The following DTNA variants were observed in gnomAD, a reference collection of about 807,000 sequenced individuals.
DTNA encodes dystrophin-related protein 3.
Under a neutral mutation model 100.7 loss-of-function variants are expected in DTNA, and 43 were observed. The observed-to-expected ratio is 0.43, with a 90% confidence interval of 0.33 to 0.55. DTNA has a LOEUF of 0.55. Ranked by LOEUF, DTNA falls within the 20% of genes least tolerant of loss-of-function variation. The pLI, the probability that DTNA is intolerant of heterozygous loss-of-function variation, is 0.04. For synonymous variants in DTNA, 349 were observed against 347.9 expected (o/e 1.00, Z -0.04); for missense variants, 798 against 953.9 (o/e 0.84, Z 2.15).
chr18:34,675,353 A>C (rs1355233744), intron 1 of DTNA, among the ~76,000 whole-genome samples: 1 of 152,134 alleles, frequency 6.6e-6, no homozygotes, highest in Non-Finnish European at 1.5e-5. Context: ...GAAGTCCTGG[A>C]GAGCACCTTT....
upstream of DTNA, among the ~76,000 whole-genome samples, chr18:34,707,968 G>A (rs2082325272): frequency 6.6e-6 from 1 of 152,152 alleles, no homozygotes; most frequent in South Asian, 2.1e-4. Context: ...TTGTTGTGGG[G>A]CTTTTCTTTC....
chr18:34,885,410 A>G (rs955992048), intron 22 of DTNA, among the ~76,000 whole-genome samples: 1 of 152,192 alleles, frequency 6.6e-6, no homozygotes, highest in Non-Finnish European at 1.5e-5. Flanking sequence ...AAATATGTGG[A>G]AAATTCTCAG....
intron 11 of DTNA, 26 bp from the exon 12 acceptor site, chr18:34,838,068 C>T: frequency 6.2e-7 from 1 of 1,611,776 alleles, no homozygotes; most frequent in Non-Finnish European, 8.5e-7. Flanking sequence ...TTACGCTCTT[C>T]TTGGCTTTCC....
At position 34,882,099 on chromosome 18, in the gene DTNA, G is replaced by A. The variant is rs1389279041; in HGVS notation, c.2193G>A (p.Gln731=). The change falls in exon 21 of 23, where the codon CAG becomes CAA. Residue 731 remains glutamine, a synonymous_variant. Transcript: ENST00000444659. Reference sequence around the variant, plus strand: ...CGGAGGATGCAGATCCCTATGTGCAGCCTGAAGATGAAAACTATGAAAATG... The same window carrying A: ...CGGAGGATGCAGATCCCTATGTGCAACCTGAAGATGAAAACTATGAAAATG... The part of the protein sequence containing the change: ...MVTEDADPYV[Q]PEDENYENDS... 1 of 1,614,078 alleles carries A rather than the reference G, an allele frequency of 6.2e-7. No homozygotes were observed.
intron 17 of DTNA, among the ~76,000 whole-genome samples, chr18:34,869,321 C>G (rs1029844624): frequency 6.6e-6 from 1 of 152,170 alleles, no homozygotes; most frequent in African/African-American, 2.4e-5. Context: ...CATACACACA[C>G]ACACACACAT....
In DTNA at chr18:34,861,485, CAAAAAAAAAAAAAAAA is replaced by C. The variant is rs11329850; in HGVS notation, c.1647-2467_1647-2452del. On this transcript the variant is annotated intron_variant, in intron 16 of 22. Transcript: ENST00000444659. Reference sequence around the variant, plus strand: ...TGGGCGACTGAGCGAGACTCCGTCTCAAAAAAAAAAAAAAAAAAAAAAAAAAAAAGAAAGTAGGTTT... The same window carrying C: ...TGGGCGACTGAGCGAGACTCCGTCTCAAAAAAAAAAAAAGAAAGTAGGTTT... Among the ~76,000 whole-genome samples, 11 of 77,966 alleles carry C rather than the reference CAAAAAAAAAAAAAAAA, an allele frequency of 1.4e-4. No individual in the cohort carries two copies. In the East Asian group the frequency reaches 4.0e-3, roughly 28 times the overall value. The allele number at this position is 77,966 out of a possible 152,430, so 51.1% of individuals were successfully genotyped here.
intron 5 of DTNA, among the ~76,000 whole-genome samples, chr18:34,808,231 T>G (rs2095412349): frequency 6.6e-6 from 1 of 152,198 alleles, no homozygotes; most frequent in Non-Finnish European, 1.5e-5. Context: ...TTCTGAGCCC[T>G]CGAAGTCCTG....
At chr18:34,608,610 A>C (rs919314932) in intron 1 of DTNA, among the ~76,000 whole-genome samples, 12 of 151,816 alleles carry the variant, frequency 7.9e-5, no homozygotes, top group Non-Finnish European at 1.2e-4. Context: ...CATGGGACTT[A>C]TGAAATCACA....
chr18:34,823,866 T>C (rs533385819), intron 9 of DTNA, among the ~76,000 whole-genome samples: 11 of 152,330 alleles, frequency 7.2e-5, no homozygotes, highest in Admixed American at 7.2e-4. Context: ...GGTGCAAGCA[T>C]TGGCAATATT....
intron 17 of DTNA, among the ~76,000 whole-genome samples, chr18:34,871,782 T>C (rs953449478): frequency 3.3e-5 from 5 of 152,360 alleles, no homozygotes; most frequent in African/African-American, 1.2e-4. Context: ...GAAGATGCTC[T>C]GCATCAAACT....
intron 18 of DTNA, among the ~76,000 whole-genome samples, 186 bp from the exon 19 acceptor site, chr18:34,877,533 G>T (rs982120520): frequency 5.3e-5 from 8 of 152,150 alleles, no homozygotes; most frequent in African/African-American, 1.7e-4. Flanking sequence ...AGGACCCACT[G>T]CCCTAAGCAG....
intron 1 of DTNA, among the ~76,000 whole-genome samples, chr18:34,562,007 T>C (rs1442562082): frequency 6.6e-6 from 1 of 152,228 alleles, no homozygotes; most frequent in African/African-American, 2.4e-5. Context: ...GTTATCTTTG[T>C]TTGTATTTAA....
At chr18:34,790,906 A>T (rs2094710331) in intron 3 of DTNA, among the ~76,000 whole-genome samples, 1 of 152,194 alleles carries the variant, frequency 6.6e-6, no homozygotes, top group Non-Finnish European at 1.5e-5. Context: ...TATACAGTCC[A>T]TAGGACTAGG....
intron 10 of DTNA, 39 bp downstream of exon 10, chr18:34,827,715 G>A (rs764500965): frequency 1.9e-6 from 3 of 1,584,830 alleles, no homozygotes; most frequent in East Asian, 4.5e-5. Flanking sequence ...CCCTTTCTTT[G>A]GTAATGAGCC....
rs2095638924 is a variant in DTNA, at chr18:34,818,325, T to TCATG, written c.872_875dup (p.Trp292CysfsTer7). 1 of 1,613,716 alleles carries TCATG rather than the reference T, an allele frequency of 6.2e-7. No individual in the cohort carries two copies. The highest frequency in any genetic ancestry group is 8.5e-7 in the Non-Finnish European group (1 of 1,179,806). Reference sequence around the variant, plus strand: ...CCAGCACCAAATGAAAGAGTACACGTCATGGGTAAGGCAAGGTCCAGGCAA... The same window carrying TCATG: ...CCAGCACCAAATGAAAGAGTACACGTCATGCATGGGTAAGGCAAGGTCCAGGCAA... On this transcript the variant is annotated frameshift_variant, in exon 8 of 23. Coordinates refer to ENST00000444659, the MANE Select transcript of DTNA (RefSeq NM_001386795.1). LOFTEE classifies it high-confidence loss of function.
intron 3 of DTNA, among the ~76,000 whole-genome samples, chr18:34,776,713 C>T (rs527397339): frequency 2.0e-5 from 3 of 152,348 alleles, no homozygotes; most frequent in African/African-American, 7.2e-5. Context: ...GATCTTGTCA[C>T]TTCTCTGCTC....
intron 1 of DTNA, among the ~76,000 whole-genome samples, chr18:34,666,873 T>A (rs1264868615): frequency 6.6e-6 from 1 of 152,294 alleles, no homozygotes; most frequent in African/African-American, 2.4e-5. Flanking sequence ...CCAGCTTTGT[T>A]CTTTTGGCTT....
intron 1 of DTNA, among the ~76,000 whole-genome samples, chr18:34,602,626 C>G (rs557880488): frequency 6.6e-6 from 1 of 151,868 alleles, no homozygotes; most frequent in South Asian, 2.1e-4. Context: ...GTCTGTAATC[C>G]CAGCACATGG....
intron 17 of DTNA, chr18:34,866,715 G>C (rs1272068496): frequency 1.0e-6 from 1 of 995,328 alleles, no homozygotes; most frequent in Non-Finnish European, 1.2e-6. Flanking sequence ...GAGAAAGACT[G>C]TACTCCATAA....
Sources: gnomAD v4.1 joint callset for allele counts (sites outside exome capture counted in the v4.1 genomes callset) on GRCh38, gnomAD v4.1.1 for gene constraint, MANE v1.5 for transcripts, NCBI Gene and HGNC (gene_info 2026-07-23, HGNC 2026-07-21) for gene names.